Variants in HECW1 observed in about 807,000 individuals in gnomAD.
HECW1 encodes the protein HECT, C2 and WW domain containing E3 ubiquitin protein ligase 1, also known as E3 ubiquitin-protein ligase HECW1.
Under a neutral mutation model 182.3 loss-of-function variants are expected in HECW1, and 61 were observed. The observed-to-expected ratio is 0.33, with a 90% CI of 0.27 to 0.41. The LOEUF is 0.41. Among genes scored for constraint, HECW1 ranks in the 10% least tolerant of loss-of-function variants. The pLI is 1.00. For missense variants in HECW1, 1,739 were observed against 2,108.9 expected, an observed-to-expected ratio of 0.82 and a Z score of 3.44; for synonymous variants, 859 against 832.6, an observed-to-expected ratio of 1.03 and a Z score of -0.55.
At position 43,479,728 on chromosome 7, in the gene HECW1, G is replaced by A. The variant is rs752183534; in HGVS notation, c.3218G>A (p.Ser1073Asn). Residue 1073 changes from serine (S) to asparagine (N), a missense_variant, in exon 17 of 30, where the codon AGT becomes AAT. Coordinates refer to ENST00000395891, the MANE Select transcript of HECW1 (RefSeq NM_015052.5). ...CGACAGCACCTCCAGAGGCTCCGAA[G>A]TTACAGCGCTGGAGAGGTAACCCTC... Reference protein sequence around the residue: ...THRQHLQRLRSYSAGEASEVS... With the variant: ...THRQHLQRLRNYSAGEASEVS... 6.2e-7 allele frequency: 1 copy of A among 1,613,910 alleles called. No individual in the cohort carries two copies. Among genetic ancestry groups the A allele is most frequent in the African/African-American group, 1.3e-5 (1 of 74,946 alleles).
intron 12 of HECW1, among the ~76,000 whole-genome samples, chr7:43,454,812 C>G (rs544701911): frequency 2.6e-5 from 4 of 152,314 alleles, no homozygotes; most frequent in African/African-American, 9.6e-5. Context: ...TAGTATCTGA[C>G]CTACTCCCGA....
In HECW1 at chr7:43,463,292, T is replaced by A. The variant is rs562240841; in HGVS notation, c.2652-368T>A. 4.6e-5 allele frequency among the ~76,000 whole-genome samples: 7 copies of A among 152,352 alleles called. No homozygotes were observed. The South Asian group carries it at 1.4e-3, about 32-fold the overall frequency. The stretch of plus-strand genomic sequence containing the variant: ...CCAGTTTGTACACTTATTACAATAA[T>A]GTTGAGGTAATTTGATATCTTAGTT... On this transcript the variant is annotated intron_variant, in intron 13 of 29. Coordinates refer to ENST00000395891, the MANE Select transcript of HECW1 (RefSeq NM_015052.5).
chr7:43,206,595 AT>A (rs1795502843), intron 2 of HECW1, among the ~76,000 whole-genome samples: 1 of 152,234 alleles, frequency 6.6e-6, no homozygotes, highest in Non-Finnish European at 1.5e-5. Flanking sequence ...TAATCTCTGT[AT>A]TGTACTCTAA....
chr7:43,445,179 T>C lies in HECW1; in HGVS notation c.2007T>C (p.Ser669=), dbSNP rs751225900. ...DSSPRQGGDH[S]CEGCDASCCS... ...GCCCCAGGCAAGGCGGGGACCACAG[T>C]TGCGAGGGCTGTGACGCGTCCTGCT... Residue 669 remains serine, a synonymous_variant, in exon 11 of 30, where the codon AGT becomes AGC. Transcript: ENST00000395891. 1.2e-6 allele frequency: 2 copies of C among 1,611,850 alleles called. No individual in the cohort carries two copies. Among genetic ancestry groups the C allele is most frequent in the South Asian group, 2.2e-5 (2 of 91,034 alleles).
At chr7:43,406,447 G>C (rs766781739) in intron 7 of HECW1, among the ~76,000 whole-genome samples, 8 of 152,092 alleles carry the variant, frequency 5.3e-5, no homozygotes, top group Non-Finnish European at 1.2e-4. Context: ...TTTTAAATAA[G>C]TGCATATGAA....
In HECW1 at chr7:43,446,409, G is replaced by GA. The variant is rs201732675; in HGVS notation, c.2398+847dup. Among the ~76,000 whole-genome samples, 667 of 152,022 alleles carry GA rather than the reference G, an allele frequency of 4.4e-3. 4 individuals carry two copies. The highest frequency in any genetic ancestry group is 0.015 in the African/African-American group (632 of 41,446). On this transcript the variant is annotated intron_variant, in intron 11 of 29. Transcript: ENST00000395891. ...AGTCAAGTGACAGTGGTATGACTGG[G>GA]AAAAAAAATTGAAAAGTCACATAAT...
At chr7:43,272,880 C>T (rs1015203013) in intron 3 of HECW1, among the ~76,000 whole-genome samples, 29 of 152,122 alleles carry the variant, frequency 1.9e-4, no homozygotes, top group Non-Finnish European at 3.4e-4. Flanking sequence ...GCATGATCAT[C>T]GCTGCACTAT....
intron 4 of HECW1, among the ~76,000 whole-genome samples, chr7:43,318,446 G>A (rs1809618787): frequency 6.6e-6 from 1 of 152,206 alleles, no homozygotes; most frequent in Non-Finnish European, 1.5e-5. Context: ...ATTTTCCAAA[G>A]GATACAAACA....
chr7:43,488,382 G>T (rs1158002886), intron 17 of HECW1, among the ~76,000 whole-genome samples: 71 of 72,376 alleles, frequency 9.8e-4, no homozygotes, highest in African/African-American at 1.7e-3. Flanking sequence ...AAGGAAGGAA[G>T]GAAGGAAGGA....
At chr7:43,561,100 CAT>C (rs1292285833) in intron 29 of HECW1, among the ~76,000 whole-genome samples, 1 of 152,340 alleles carries the variant, frequency 6.6e-6, no homozygotes, top group East Asian at 1.9e-4. Flanking sequence ...TGGAGAGCCA[CAT>C]GAGTCTTCCA....
At position 43,445,050 on chromosome 7, in the gene HECW1, C is replaced by T; in HGVS notation, c.1878C>T (p.Gly626=). The T allele has an allele frequency of 6.3e-7, 1 of 1,578,246 alleles. No homozygotes were observed. Among genetic ancestry groups the T allele is most frequent in the Non-Finnish European group, 8.6e-7 (1 of 1,162,280 alleles). ...DREEPEGATP[G]TAHPGHSGGH... is the part of the protein sequence containing the mutation. Reference sequence around the variant, plus strand: ...AAGAGCCCGAGGGGGCTACTCCAGGCACGGCGCACCCTGGCCACTCCGGGG... The same window carrying T: ...AAGAGCCCGAGGGGGCTACTCCAGGTACGGCGCACCCTGGCCACTCCGGGG... The change falls in exon 11 of 30, where the codon GGC becomes GGT. Residue 626 remains glycine, a synonymous_variant. Transcript: ENST00000395891.
chr7:43,417,605 A>G (rs2076053755), intron 8 of HECW1, among the ~76,000 whole-genome samples: 2 of 152,156 alleles, frequency 1.3e-5, no homozygotes. Flanking sequence ...GCACACACCT[A>G]CAATCCCAGC....
At position 43,532,230 on chromosome 7, in the gene HECW1, C is replaced by T. The variant is rs142995769; in HGVS notation, c.4020-8933C>T. Among the ~76,000 whole-genome samples, 485 of 152,236 alleles carry T rather than the reference C, an allele frequency of 3.2e-3. 2 individuals are homozygous for T. The highest frequency in any genetic ancestry group is 0.011 in the African/African-American group (453 of 41,516). The stretch of plus-strand genomic sequence containing the variant: ...TAAATGCATCAGTAAATTCCCTTGG[C>T]TGTATCTTGAGAATACATCCAGACT... On this transcript the variant is annotated intron_variant, in intron 24 of 29. Transcript: ENST00000395891.
intron 24 of HECW1, among the ~76,000 whole-genome samples, chr7:43,518,480 A>C (rs1474236641): frequency 1.3e-5 from 2 of 151,812 alleles, no homozygotes; most frequent in Non-Finnish European, 2.9e-5. Flanking sequence ...TGGGCAACAG[A>C]GTGAGACACC....
intron 3 of HECW1, among the ~76,000 whole-genome samples, chr7:43,252,795 A>C (rs2152727337): frequency 6.6e-6 from 1 of 152,354 alleles, no homozygotes; most frequent in South Asian, 2.1e-4. Context: ...CTAAATGGTT[A>C]CTGGGGGAAA....
chr7:43,437,164 A>G (rs1477328254), intron 8 of HECW1, among the ~76,000 whole-genome samples: 1 of 152,168 alleles, frequency 6.6e-6, no homozygotes, highest in East Asian at 1.9e-4. Context: ...TCAAAGTACA[A>G]ATGAAATCCT....
At chr7:43,556,336 G>T (rs1242292581) in intron 29 of HECW1, among the ~76,000 whole-genome samples, 2 of 152,146 alleles carry the variant, frequency 1.3e-5, no homozygotes, top group Non-Finnish European at 2.9e-5. Context: ...AGGGTAAGAT[G>T]CCCGGAGCAA....
chr7:43,539,187 G>C (rs2081279103), intron 24 of HECW1, among the ~76,000 whole-genome samples: 1 of 152,108 alleles, frequency 6.6e-6, no homozygotes, highest in East Asian at 1.9e-4. Context: ...TGTTAATTTA[G>C]GATTTATGTA....
chr7:43,412,364 GA>G (rs1270842019), intron 8 of HECW1, among the ~76,000 whole-genome samples: 1 of 151,532 alleles, frequency 6.6e-6, no homozygotes, highest in Non-Finnish European at 1.5e-5. Context: ...AAGAAACTAG[GA>G]AAAAAATATA....
Sources: gnomAD v4.1 joint callset for allele counts (sites outside exome capture counted in the v4.1 genomes callset) on GRCh38, gnomAD v4.1.1 for gene constraint, MANE v1.5 for transcripts, NCBI Gene and HGNC (gene_info 2026-07-23, HGNC 2026-07-21) for gene names.